The following RGS3 variants were observed in gnomAD, a reference collection of about 807,000 sequenced individuals.
RGS3 encodes regulator of G protein signaling 3.
In RGS3, 80 loss-of-function variants were observed where a neutral mutation model predicts 132.6. That is an observed-to-expected ratio of 0.60 (90% CI 0.50 to 0.73). RGS3 has a LOEUF of 0.73. Among genes scored for constraint, RGS3 ranks in the 30% least tolerant of loss-of-function variants. The probability of loss-of-function intolerance (pLI) is 0.00; values close to 1 mark genes in which losing one functional copy is unlikely to be tolerated. For synonymous variants in RGS3, 598 were observed against 620.6 expected, an observed-to-expected ratio of 0.96 and a Z score of 0.54; for missense variants, 1,382 against 1,530.8, an observed-to-expected ratio of 0.90 and a Z score of 1.62.
rs563974324 is a variant in RGS3, at chr9:113,539,163, C to T, written c.2037+2245C>T. Among the ~76,000 whole-genome samples, 5 of 152,334 alleles carry T rather than the reference C, an allele frequency of 3.3e-5. No homozygotes were observed. In the East Asian group the frequency reaches 7.7e-4, roughly 24 times the overall value. On this transcript the variant is annotated intron_variant, in intron 19 of 24. Coordinates refer to ENST00000350696, the Ensembl canonical transcript of RGS3. ...GTCCACAGCATTGTCCACTTGCGCT[C>T]AGTTCCGTCAGTTCCTGGCAGCCTC...
At chr9:113,587,766 T>G (rs907025894) in intron 20 of RGS3, among the ~76,000 whole-genome samples, 1 of 152,194 alleles carries the variant, frequency 6.6e-6, no homozygotes, top group African/African-American at 2.4e-5. Context: ...TCGACCATGG[T>G]GATCTCACAG....
chr9:113,565,025 A>G lies in RGS3; in HGVS notation c.2038-18425A>G. ...CTGCCCCAGCCTGGGAGCCCTCAGG[A>G]TGTGTGTGGGGTGGAGCCTGCTAGG... is the stretch of plus-strand genomic sequence containing the variant. On this transcript the variant is annotated intron_variant, in intron 19 of 24. Coordinates refer to ENST00000350696, the Ensembl canonical transcript of RGS3. The surrounding 1 kb of genome is among the most constrained non-coding windows in gnomAD (Gnocchi z 5.7). 2 of 1,060,706 alleles carry G rather than the reference A, an allele frequency of 1.9e-6. No individual in the cohort carries two copies. The highest frequency in any genetic ancestry group is 9.1e-4 in the Middle Eastern group (2 of 2,190). 65.7% of individuals were successfully genotyped at this position (1,060,706 alleles called of 1,614,324 possible). A position where few individuals can be genotyped will look rare whatever the true frequency, so the allele number is the denominator to read the frequency against.
intron 18 of RGS3, among the ~76,000 whole-genome samples, chr9:113,532,920 T>G (rs1378639171): frequency 2.0e-5 from 3 of 152,164 alleles, no homozygotes; most frequent in African/African-American, 7.2e-5. Flanking sequence ...CTACAGAATT[T>G]CTCCTGGAGG....
At chr9:113,474,517 A>G (rs116779704) in intron 3 of RGS3, among the ~76,000 whole-genome samples, 2,233 of 152,266 alleles carry the variant, frequency 0.015, 62 homozygotes, top group African/African-American at 0.051. Flanking sequence ...TGGATGAGGC[A>G]GCTGAAGACC....
At chr9:113,475,065 A>G (rs541018307) in intron 3 of RGS3, among the ~76,000 whole-genome samples, 12 of 152,308 alleles carry the variant, frequency 7.9e-5, no homozygotes, top group Admixed American at 1.3e-4. Context: ...TCCTGTGCCC[A>G]GCAGAATTTG....
chr9:113,505,311 C>T (rs1446456246), intron 10 of RGS3, 131 bp from the exon 9 acceptor site: 1 of 732,476 alleles, frequency 1.4e-6, no homozygotes, highest in Admixed American at 2.2e-5. Context: ...GGCTGGCTAG[C>T]TCCTTTGTGC....
intron 15 of RGS3, among the ~76,000 whole-genome samples, chr9:113,516,720 A>G (rs1359586072): frequency 6.6e-6 from 1 of 152,040 alleles, no homozygotes; most frequent in Non-Finnish European, 1.5e-5. Flanking sequence ...TTTAAGAGAC[A>G]GTCTCTCGCT....
intron 1 of RGS3, among the ~76,000 whole-genome samples, chr9:113,449,996 C>T (rs986859076): frequency 1.3e-5 from 2 of 151,896 alleles, no homozygotes; most frequent in African/African-American, 2.4e-5. Flanking sequence ...CTGCCCACCT[C>T]GGCCTCCCAA....
intron 3 of RGS3, among the ~76,000 whole-genome samples, chr9:113,465,896 C>G (rs891637123): frequency 6.6e-6 from 1 of 152,170 alleles, no homozygotes; most frequent in African/African-American, 2.4e-5. Context: ...GGCTCTGTTT[C>G]CCTGGGTGCC....
exon 25 of RGS3, chr9:113,596,927 CAGA>C: frequency 1.2e-6 from 2 of 1,611,102 alleles, no homozygotes; most frequent in Non-Finnish European, 1.7e-6. Context: ...CCTTATTAAC[CAGA>C]AGAAGATGAG....
chr9:113,514,386 C>G (rs1251188161), intron 14 of RGS3, 72 bp from the exon 13 acceptor site: 30 of 1,373,012 alleles, frequency 2.2e-5, no homozygotes, highest in Non-Finnish European at 2.9e-5. Context: ...TCCGTGTCCC[C>G]TGTTTCTACA....
intron 18 of RGS3, among the ~76,000 whole-genome samples, chr9:113,530,026 C>T (rs550472424): frequency 6.6e-6 from 1 of 152,358 alleles, no homozygotes; most frequent in Admixed American, 6.5e-5. Context: ...TTTCTATTCA[C>T]TGCAGGGCGG....
At chr9:113,497,158 A>G (rs1830712355) in intron 8 of RGS3, among the ~76,000 whole-genome samples, 156 bp from the exon 7 acceptor site, 1 of 152,094 alleles carries the variant, frequency 6.6e-6, no homozygotes, top group East Asian at 1.9e-4. Flanking sequence ...GGCTTCCTGG[A>G]GGTGCAGGCA....
chr9:113,580,808 T>C, intron 19 of RGS3: 1 of 985,788 alleles, frequency 1.0e-6, no homozygotes, highest in Non-Finnish European at 1.2e-6. Flanking sequence ...TTTGGGTTTG[T>C]TGCTGCACTT....
intron 18 of RGS3, 143 bp downstream of exon 16, chr9:113,529,407 G>A (rs767296377): frequency 5.3e-5 from 38 of 720,162 alleles, no homozygotes; most frequent in Non-Finnish European, 6.0e-5. Flanking sequence ...CCAGAGTAGC[G>A]GTTTTTTGCT....
chr9:113,589,503 C>T (rs1023102898), intron 20 of RGS3, among the ~76,000 whole-genome samples: 2 of 152,202 alleles, frequency 1.3e-5, no homozygotes, highest in Non-Finnish European at 2.9e-5. Context: ...AGGAAGAGCC[C>T]ATTTCCCAGC....
intron 19 of RGS3, among the ~76,000 whole-genome samples, chr9:113,545,010 A>G (rs894799782): frequency 6.6e-6 from 1 of 152,232 alleles, no homozygotes; most frequent in African/African-American, 2.4e-5. Context: ...CATTTTCCTG[A>G]GGGTGGCACA....
At chr9:113,497,628 A>G (rs1264802980) in intron 9 of RGS3, among the ~76,000 whole-genome samples, 1 of 152,072 alleles carries the variant, frequency 6.6e-6, no homozygotes, top group Non-Finnish European at 1.5e-5. Context: ...TGTAGAGGCT[A>G]TGGTCTGACC....
intron 11 of RGS3, 119 bp downstream of exon 9, chr9:113,505,642 A>C: frequency 1.4e-6 from 1 of 730,928 alleles, no homozygotes; most frequent in Non-Finnish European, 2.4e-6. Flanking sequence ...TGGCTTTTCA[A>C]AATGAAAAGA....
Sources: gnomAD v4.1 joint callset for allele counts (sites outside exome capture counted in the v4.1 genomes callset) on GRCh38, gnomAD v4.1.1 for gene constraint, Gnocchi (gnomAD v3.1) non-coding constraint, MANE v1.5 for transcripts, NCBI Gene and HGNC (gene_info 2026-07-23, HGNC 2026-07-21) for gene names.